The following XPO4 variants were observed in gnomAD, a reference collection of about 807,000 sequenced individuals.
XPO4 encodes the protein exportin-4.
Under a neutral mutation model 143.0 loss-of-function variants are expected in XPO4, and 39 were observed. That is an observed-to-expected ratio of 0.27 (90% CI 0.21 to 0.36). XPO4 has a LOEUF of 0.36. Ranked by LOEUF, XPO4 falls within the 10% of genes least tolerant of loss-of-function variation. XPO4 has a pLI of 1.00. For missense variants in XPO4, 907 were observed against 1,348.0 expected (o/e 0.67, Z 5.12); for synonymous variants, 439 against 474.0 (o/e 0.93, Z 0.96).
chr13:20,882,188 T>C (rs1246193728), intron 1 of XPO4, among the ~76,000 whole-genome samples: 1 of 149,246 alleles, frequency 6.7e-6, no homozygotes, highest in Non-Finnish European at 1.5e-5. Flanking sequence ...ATTACAAACA[T>C]AGGAAGGCAC....
chr13:20,859,706 G>A (rs1372330122), intron 3 of XPO4: 1 of 243,980 alleles, frequency 4.1e-6, no homozygotes, highest in Non-Finnish European at 6.6e-6. Context: ...GAACCCAGGA[G>A]GCGGATGTTG....
At chr13:20,865,977 T>C in intron 2 of XPO4, 2 of 951,018 alleles carry the variant, frequency 2.1e-6, no homozygotes, top group Non-Finnish European at 2.5e-6. Flanking sequence ...GTTTTGGCAC[T>C]TGTGAGATCA....
chr13:20,851,356 T>G, intron 4 of XPO4: 1 of 985,336 alleles, frequency 1.0e-6, no homozygotes, highest in Non-Finnish European at 1.2e-6. Context: ...TGAAATTAAA[T>G]TCTACTTCCC....
At chr13:20,871,296 A>G (rs2477165) in intron 1 of XPO4, among the ~76,000 whole-genome samples, 44,956 of 152,092 alleles carry the variant, frequency 0.3, 8,269 homozygotes, top group East Asian at 0.8. Context: ...CTGGGATCAC[A>G]GGCATGAGCC....
intron 4 of XPO4, chr13:20,851,047 C>T (rs1400018588): frequency 1.0e-6 from 1 of 985,114 alleles, no homozygotes; most frequent in Admixed American, 6.1e-5. Context: ...GATCAGTTAT[C>T]ATTCTCCTTT....
intron 4 of XPO4, chr13:20,849,537 T>C (rs2060062991): frequency 1.0e-6 from 1 of 985,390 alleles, no homozygotes; most frequent in African/African-American, 1.7e-5. Context: ...CCTCCCAAAT[T>C]AGTACTGACA....
intron 1 of XPO4, among the ~76,000 whole-genome samples, chr13:20,875,194 T>C (rs1349229376): frequency 6.6e-6 from 1 of 152,228 alleles, no homozygotes; most frequent in Non-Finnish European, 1.5e-5. Context: ...CTTTCAGTTT[T>C]CCCTCCATAA....
intron 1 of XPO4, among the ~76,000 whole-genome samples, chr13:20,892,847 G>A (rs990777296): frequency 6.6e-6 from 1 of 151,266 alleles, no homozygotes; most frequent in African/African-American, 2.4e-5. Context: ...TCACACCACT[G>A]CATTCCAGCT....
At chr13:20,829,667 A>G (rs1177765440) in intron 6 of XPO4, among the ~76,000 whole-genome samples, 15 of 152,196 alleles carry the variant, frequency 9.9e-5, no homozygotes, top group African/African-American at 2.7e-4. Context: ...TCATATTTAT[A>G]AATTTTGCTA....
At chr13:20,814,104 C>G (rs2059617891) in intron 9 of XPO4, among the ~76,000 whole-genome samples, 2 of 149,282 alleles carry the variant, frequency 1.3e-5, no homozygotes, top group Admixed American at 1.3e-4. Context: ...TTTGTTAAGT[C>G]TTAACAGTTT....
intron 1 of XPO4, chr13:20,869,713 A>G (rs1740952148): frequency 2.0e-6 from 1 of 490,204 alleles, no homozygotes; most frequent in South Asian, 8.9e-5. Flanking sequence ...CTGGCTTCAG[A>G]GAATTCTTAT....
chr13:20,798,102 C>T (rs1466029249), intron 16 of XPO4, among the ~76,000 whole-genome samples: 1 of 152,010 alleles, frequency 6.6e-6, no homozygotes, highest in Non-Finnish European at 1.5e-5. Flanking sequence ...AAGATCACAC[C>T]ACTGCACTCC....
intron 19 of XPO4, 103 bp from the exon 20 acceptor site, chr13:20,788,719 A>T: frequency 8.6e-7 from 1 of 1,163,096 alleles, no homozygotes; most frequent in African/African-American, 1.6e-5. Flanking sequence ...AAATATAATG[A>T]TTTCTTTAAA....
At chr13:20,851,794 G>T in intron 4 of XPO4, 3 of 984,670 alleles carry the variant, frequency 3.0e-6, no homozygotes, top group Non-Finnish European at 3.6e-6. Flanking sequence ...TCTTTCATGA[G>T]AATATTACAT....
rs1003532694 is a variant in XPO4, at chr13:20,779,084, A to T, written c.*4638T>A. 2.6e-5 allele frequency: 4 copies of T among 152,198 alleles called. No individual in the cohort carries two copies. Among genetic ancestry groups the T allele is most frequent in the Non-Finnish European group, 5.9e-5 (4 of 68,038 alleles). The allele number at this position is 152,198 out of a possible 1,614,324, so 9.4% of individuals were successfully genotyped here. On this transcript the variant is annotated 3_prime_UTR_variant, in exon 23 of 23. Transcript: ENST00000255305. ...TGTTAATAGAGGTAAATATTTAAAC[A>T]GTACACTCATCCCTGGGTCTTTAAA...
At chr13:20,796,600 T>C (rs1226310828) in intron 17 of XPO4, among the ~76,000 whole-genome samples, 164 bp downstream of exon 17, 2 of 152,090 alleles carry the variant, frequency 1.3e-5, no homozygotes, top group Admixed American at 1.3e-4. Flanking sequence ...AACATGACTT[T>C]CTCTAAATTA....
At chr13:20,893,992 C>A (rs371799728) in intron 1 of XPO4, among the ~76,000 whole-genome samples, 1 of 151,978 alleles carries the variant, frequency 6.6e-6, no homozygotes, top group South Asian at 2.1e-4. Context: ...TACAGGCATG[C>A]GCCACCACAC....
intron 2 of XPO4, chr13:20,866,099 A>G (rs2060242478): frequency 1.0e-6 from 1 of 985,286 alleles, no homozygotes; most frequent in South Asian, 4.7e-5. Context: ...TTTAACAAGA[A>G]CAGAACTCAC....
intron 3 of XPO4, chr13:20,856,505 A>G (rs998177478): frequency 4.7e-5 from 15 of 316,622 alleles, no homozygotes; most frequent in Admixed American, 3.2e-4. Context: ...AAACTTTATA[A>G]TCTAGCCTCT....
Sources: allele counts gnomAD v4.1 joint callset (sites outside exome capture counted in the v4.1 genomes callset), GRCh38; gene constraint gnomAD v4.1.1; transcripts MANE v1.5; gene names NCBI Gene and HGNC (gene_info 2026-07-23, HGNC 2026-07-21).